Variants in ITPR2 observed in about 807,000 individuals in gnomAD.
ITPR2 encodes the protein inositol 1,4,5-trisphosphate receptor type 2.
Under a neutral mutation model 317.1 loss-of-function variants are expected in ITPR2, and 207 were observed. The ratio of observed to expected loss-of-function variants is 0.65; its 90% CI spans 0.58 to 0.73. ITPR2 has a LOEUF of 0.73. ITPR2 is among the 30% of genes least tolerant of loss of function. The pLI is 0.00. For missense variants in ITPR2, 2,613 were observed against 3,284.0 expected (o/e 0.80, Z 4.99); for synonymous variants, 1,156 against 1,149.1 (o/e 1.01, Z -0.12).
At chr12:26,392,641 G>T (rs1343615956) in intron 54 of ITPR2, among the ~76,000 whole-genome samples, 1 of 152,238 alleles carries the variant, frequency 6.6e-6, no homozygotes, top group Non-Finnish European at 1.5e-5. Context: ...AAGAGAGACT[G>T]AAGAGGCATT....
chr12:26,584,572 A>G (rs765651883), intron 32 of ITPR2, among the ~76,000 whole-genome samples: 2 of 152,192 alleles, frequency 1.3e-5, no homozygotes, highest in Non-Finnish European at 2.9e-5. Context: ...ATAAGTTACC[A>G]TATGTTGAGC....
At chr12:26,684,181 T>C (rs1761801956) in intron 11 of ITPR2, among the ~76,000 whole-genome samples, 1 of 152,238 alleles carries the variant, frequency 6.6e-6, no homozygotes, top group Non-Finnish European at 1.5e-5. Flanking sequence ...ACACAGGAGA[T>C]GTAATTTGTA....
chr12:26,807,253 AT>A (rs1265451286), intron 1 of ITPR2, among the ~76,000 whole-genome samples: 1 of 152,250 alleles, frequency 6.6e-6, no homozygotes, highest in Non-Finnish European at 1.5e-5. Flanking sequence ...AATGAAATAT[AT>A]GTCAAAAAAT....
At chr12:26,768,591 A>AT in intron 2 of ITPR2, among the ~76,000 whole-genome samples, 1 of 140,252 alleles carries the variant, frequency 7.1e-6, no homozygotes, top group Non-Finnish European at 1.5e-5. Context: ...AAAAAAAAAA[A>AT]AAAAAACCTC....
chr12:26,749,097 G>A (rs979306914), intron 2 of ITPR2, among the ~76,000 whole-genome samples: 2 of 152,132 alleles, frequency 1.3e-5, no homozygotes, highest in Non-Finnish European at 2.9e-5. Context: ...TTTCTTCAAA[G>A]GTATTAGCTT....
Position 26,782,022 on chromosome 12 carries a change from ATATATATATATG to A in ITPR2, c.163+8123_163+8134del, listed in dbSNP as rs1358801564. 5.0e-3 allele frequency among the ~76,000 whole-genome samples: 151 copies of A among 30,488 alleles called. 3 individuals are homozygous for A. The highest frequency in any genetic ancestry group is 8.2e-3 in the African/African-American group (73 of 8,924). The allele number at this position is 30,488 out of a possible 152,430, so 20.0% of individuals were successfully genotyped here. On this transcript the variant is annotated intron_variant, in intron 2 of 56. Transcript: ENST00000381340. ...TATATATATATATATATATATATAT[ATATATATATATG>A]TATAGAGAGAGAGAGAGAGAGAGAG...
At chr12:26,701,326 A>C (rs888357463) in intron 9 of ITPR2, among the ~76,000 whole-genome samples, 1 of 152,204 alleles carries the variant, frequency 6.6e-6, no homozygotes, top group Non-Finnish European at 1.5e-5. Context: ...TTACAATGAA[A>C]TGTGTTTTGA....
At chr12:26,774,425 G>C (rs1383710791) in intron 2 of ITPR2, among the ~76,000 whole-genome samples, 2 of 152,110 alleles carry the variant, frequency 1.3e-5, no homozygotes, top group Non-Finnish European at 2.9e-5. Flanking sequence ...GATCATTTGA[G>C]GCCAGGAGTT....
chr12:26,667,620 A>ACAAAG (rs1271705966), intron 13 of ITPR2, among the ~76,000 whole-genome samples: 9 of 152,240 alleles, frequency 5.9e-5, no homozygotes, highest in African/African-American at 1.9e-4. Context: ...TTAAAACAAA[A>ACAAAG]CAAAACAAAT....
intron 45 of ITPR2, among the ~76,000 whole-genome samples, chr12:26,452,886 C>T (rs1382494841): frequency 6.6e-6 from 1 of 152,134 alleles, no homozygotes; most frequent in East Asian, 1.9e-4. Context: ...CGGGTACTCT[C>T]TTACAGCAAC....
chr12:26,589,828 ATAAAC>A (rs1336833170), intron 32 of ITPR2, among the ~76,000 whole-genome samples: 11 of 31,880 alleles, frequency 3.5e-4, no homozygotes, highest in Admixed American at 6.9e-4. Flanking sequence ...AAATAAATAA[ATAAAC>A]ATATATATAT....
In ITPR2 at chr12:26,336,813, A is replaced by G. The variant is rs1343227454; in HGVS notation, c.*2584T>C. 1 of 152,184 alleles carries G rather than the reference A, an allele frequency of 6.6e-6. No homozygotes were observed. Among genetic ancestry groups the G allele is most frequent in the Non-Finnish European group, 1.5e-5 (1 of 68,020 alleles). 9.4% of individuals were successfully genotyped at this position (152,184 alleles called of 1,614,324 possible). On this transcript the variant is annotated 3_prime_UTR_variant, in exon 57 of 57. Transcript: ENST00000381340. ...TCACTATATAAATACAAGGATGTTA[A>G]CTGATACTCACCTAAGTCAAATATT... is the stretch of plus-strand genomic sequence containing the variant.
rs117402254 is a variant in ITPR2 at position 26,733,371 on chromosome 12, G to A, written c.164-7606C>T. ...AAAAAAGAAAACCACTGGCCAGAAA[G>A]TGAAATATGCATATGCCTCAGTTCT... On this transcript the variant is annotated intron_variant, in intron 2 of 56. Coordinates refer to ENST00000381340, the MANE Select transcript of ITPR2 (RefSeq NM_002223.4). Among the ~76,000 whole-genome samples the A allele has an allele frequency of 5.0e-4, 75 of 150,034 alleles. 2 individuals are homozygous for A. In the East Asian group the frequency reaches 0.014, roughly 29 times the overall value.
chr12:26,711,931 C>T (rs1343925680), intron 8 of ITPR2, among the ~76,000 whole-genome samples: 1 of 152,194 alleles, frequency 6.6e-6, no homozygotes. Flanking sequence ...TCCATGCATG[C>T]TTTTTATTGA....
At chr12:26,534,999 T>C (rs1466704170) in intron 37 of ITPR2, among the ~76,000 whole-genome samples, 1 of 152,208 alleles carries the variant, frequency 6.6e-6, no homozygotes, top group African/African-American at 2.4e-5. Context: ...TTAACTCTAC[T>C]GTATATTTCA....
chr12:26,372,941 G>A (rs369419542), intron 55 of ITPR2, among the ~76,000 whole-genome samples: 2 of 152,140 alleles, frequency 1.3e-5, no homozygotes, highest in African/African-American at 4.8e-5. Flanking sequence ...CTCTTAGAGG[G>A]TCTGGATCCA....
intron 5 of ITPR2, among the ~76,000 whole-genome samples, chr12:26,716,785 T>C (rs1290578019): frequency 1.3e-5 from 2 of 152,182 alleles, no homozygotes; most frequent in African/African-American, 4.8e-5. Flanking sequence ...CTTGTAGAAA[T>C]ATGTTTTGTG....
chr12:26,683,426 T>C (rs1012500288), intron 11 of ITPR2, among the ~76,000 whole-genome samples: 3 of 152,198 alleles, frequency 2.0e-5, no homozygotes, highest in African/African-American at 4.8e-5. Context: ...ACATGAGGTG[T>C]AGAAGTGCCA....
chr12:26,472,070 C>A (rs1313165717), intron 45 of ITPR2, among the ~76,000 whole-genome samples: 1 of 152,234 alleles, frequency 6.6e-6, no homozygotes, highest in Non-Finnish European at 1.5e-5. Flanking sequence ...AATGGTCTCT[C>A]TTCTGTGAGT....
Sources: allele counts gnomAD v4.1 joint callset (sites outside exome capture counted in the v4.1 genomes callset), GRCh38; gene constraint gnomAD v4.1.1; transcripts MANE v1.5; gene names NCBI Gene and HGNC (gene_info 2026-07-23, HGNC 2026-07-21).